NXN: variants seen among roughly 807,000 people sequenced by gnomAD.
NXN encodes nucleoredoxin, also known as nucleoredoxin 1.
Under a neutral mutation model 48.6 loss-of-function variants are expected in NXN, and 16 were observed. The ratio of observed to expected loss-of-function variants is 0.33; its 90% CI spans 0.22 to 0.50. The LOEUF is 0.50. NXN is among the 20% of genes least tolerant of loss of function. The pLI is 0.98. For synonymous variants in NXN, 281 were observed against 269.6 expected, an observed-to-expected ratio of 1.04 and a Z score of -0.41; for missense variants, 492 against 605.5, an observed-to-expected ratio of 0.81 and a Z score of 1.97.
rs1045449333 is a variant in NXN at position 976,570 on chromosome 17, A to G, written c.360+2749T>C. ...TTATCATTGGCGAAATGACACGGATAGAGTCCATCCACAAGACGTGTTCAC... is the reference window on the plus strand; with the variant it reads ...TTATCATTGGCGAAATGACACGGATGGAGTCCATCCACAAGACGTGTTCAC... On this transcript the variant is annotated intron_variant, in intron 1 of 7. Transcript: ENST00000336868. Among the ~76,000 whole-genome samples the G allele has an allele frequency of 5.9e-5, 9 of 152,322 alleles. No homozygotes were observed. In the South Asian group the frequency reaches 1.9e-3, roughly 32 times the overall value.
At chr17:903,354 C>T (rs1429417066) in intron 1 of NXN, among the ~76,000 whole-genome samples, 4 of 149,164 alleles carry the variant, frequency 2.7e-5, no homozygotes, top group Admixed American at 2.0e-4. Flanking sequence ...TACAGGCGCC[C>T]GCCACCATGC....
At position 841,692 on chromosome 17, in the gene NXN, C is replaced by T. The variant is rs980877381; in HGVS notation, c.361-15614G>A. ...GAGCAGGTCCACCCTGACCATGGCA[C>T]ATCTCACGCCGGTGAGCAGGTCCAC... On this transcript the variant is annotated intron_variant, in intron 1 of 7. Coordinates refer to ENST00000336868, the MANE Select transcript of NXN (RefSeq NM_022463.5). 1.3e-3 allele frequency among the ~76,000 whole-genome samples: 183 copies of T among 139,950 alleles called. 7 individuals carry two copies. The highest frequency in any genetic ancestry group is 3.5e-3 in the Middle Eastern group (1 of 288). 91.8% of individuals were successfully genotyped at this position (139,950 alleles called of 152,430 possible). A position where few individuals can be genotyped will look rare whatever the true frequency, so the allele number is the denominator to read the frequency against.
intron 1 of NXN, among the ~76,000 whole-genome samples, chr17:969,684 G>T (rs934195241): frequency 6.6e-6 from 1 of 152,090 alleles, no homozygotes; most frequent in African/African-American, 2.4e-5. Flanking sequence ...ACCTGATCAC[G>T]TTTAACGGGA....
At chr17:828,063 G>A (rs549262416) in intron 1 of NXN, among the ~76,000 whole-genome samples, 1 of 152,092 alleles carries the variant, frequency 6.6e-6, no homozygotes, top group Non-Finnish European at 1.5e-5. Context: ...AAACCAGCCC[G>A]GGACCTCACA....
chr17:832,960 A>G (rs868112874), intron 1 of NXN, among the ~76,000 whole-genome samples: 15 of 152,128 alleles, frequency 9.9e-5, no homozygotes, highest in African/African-American at 2.9e-4. Context: ...GCGCGATCTC[A>G]GTTCACTGCA....
At chr17:815,587 ATGATGAGGG>A (rs1912426048) in intron 5 of NXN, among the ~76,000 whole-genome samples, 1 of 146,890 alleles carries the variant, frequency 6.8e-6, no homozygotes, top group Non-Finnish European at 1.5e-5. Flanking sequence ...TTCCATCCGT[ATGATGAGGG>A]CGAGTGTCCA....
intron 5 of NXN, among the ~76,000 whole-genome samples, chr17:813,351 C>T (rs1003461129): frequency 6.6e-6 from 1 of 152,212 alleles, no homozygotes; most frequent in African/African-American, 2.4e-5. Flanking sequence ...ACCAGTGAAA[C>T]CAGGGACTGA....
At chr17:963,240 C>CACACACACACA (rs1567522095) in intron 1 of NXN, among the ~76,000 whole-genome samples, 1 of 147,934 alleles carries the variant, frequency 6.8e-6, no homozygotes, top group East Asian at 2.0e-4. Context: ...CACACACACA[C>CACACACACACA]CCCTTTCATT....
chr17:919,541 C>T lies in NXN; in HGVS notation c.360+59778G>A, dbSNP rs8073591. On this transcript the variant is annotated intron_variant, in intron 1 of 7. Transcript: ENST00000336868. This position sits in a 1 kb window ranked among gnomAD's most constrained non-coding sequence, Gnocchi z 5.1. ...AATTAAAGTGGCAGTTTTGGGAGGA[C>T]GCAGTCAAACGGCTTTCTACAGCAC... Among the ~76,000 whole-genome samples the T allele has an allele frequency of 0.061, 9,279 of 152,030 alleles. 331 individuals are homozygous for T. The highest frequency in any genetic ancestry group is 0.12 in the East Asian group (604 of 5,172).
At chr17:900,913 C>CTTTTTTTTTTTTTT (rs11367844) in intron 1 of NXN, among the ~76,000 whole-genome samples, 1 of 75,880 alleles carries the variant, frequency 1.3e-5, no homozygotes, top group African/African-American at 5.3e-5. Flanking sequence ...GATCTGCATT[C>CTTTTTTTTTTTTTT]TTTTTTTTTT....
At position 803,632 on chromosome 17, in the gene NXN, A is replaced by G. The variant is rs564246097; in HGVS notation, c.1125+50T>C. The G allele has an allele frequency of 1.4e-4, 229 of 1,612,592 alleles. 3 individuals carry two copies. The South Asian group carries it at 2.3e-3, about 16-fold the overall frequency. On this transcript the variant is annotated intron_variant, in intron 7 of 7. Transcript: ENST00000336868. The stretch of plus-strand genomic sequence containing the variant: ...CTGGGGCCAGGATCAGTCCTGTGCC[A>G]GAAGTCCCAGCTGAGCCAGCCCTGG...
chr17:896,693 AG>A (rs1567853544), intron 1 of NXN, among the ~76,000 whole-genome samples: 3 of 151,978 alleles, frequency 2.0e-5, no homozygotes, highest in Admixed American at 6.6e-5. Context: ...CCCCGGCCCA[AG>A]GAAGTTTTTG....
intron 1 of NXN, among the ~76,000 whole-genome samples, chr17:957,264 G>A (rs2150624561): frequency 6.6e-6 from 1 of 151,724 alleles, no homozygotes; most frequent in Middle Eastern, 3.4e-3. Flanking sequence ...AACACCTAGA[G>A]GAACTTCCTC....
At chr17:912,879 G>A (rs778391258) in intron 1 of NXN, among the ~76,000 whole-genome samples, 5 of 151,966 alleles carry the variant, frequency 3.3e-5, no homozygotes, top group Middle Eastern at 3.2e-3. Flanking sequence ...GCTTGAACCC[G>A]GGAGATGGAG....
At chr17:963,463 G>A (rs996621996) in intron 1 of NXN, among the ~76,000 whole-genome samples, 3 of 152,076 alleles carry the variant, frequency 2.0e-5, no homozygotes, top group Non-Finnish European at 4.4e-5. Flanking sequence ...TCAGTCCGGT[G>A]TGGTGGGACA....
chr17:810,423 G>A (rs1193575744), intron 5 of NXN, among the ~76,000 whole-genome samples: 1 of 152,160 alleles, frequency 6.6e-6, no homozygotes, highest in Non-Finnish European at 1.5e-5. Context: ...GTCTAGTTAC[G>A]TTTTCTTTAA....
rs770241381 is a variant in NXN, at chr17:826,057, G to C, written c.382C>G (p.Arg128Gly). 1.9e-6 allele frequency: 3 copies of C among 1,613,508 alleles called. No individual in the cohort carries two copies. ...ATTAGTGATGGAATGTTGGAAATTC[G>C]GTATTTGTTCCAAAGTTTGAGCTGT... ...HRKLKLWNKY[R>G]ISNIPSLIFL... Residue 128 changes from arginine to glycine, a missense_variant, in exon 2 of 8, where the codon CGA becomes GGA. Arg to Gly is a moderately radical substitution (Grantham distance 125). This residue lies in a region of NXN where 186 missense variants were observed against 199.1 expected (regional missense o/e 0.93). Transcript: ENST00000336868.
intron 1 of NXN, among the ~76,000 whole-genome samples, chr17:937,164 T>C (rs1173500350): frequency 2.0e-5 from 3 of 151,942 alleles, no homozygotes; most frequent in Non-Finnish European, 2.9e-5. Context: ...TTGTATTTTT[T>C]GTAGAGATGG....
chr17:879,579 G>A lies in NXN; in HGVS notation c.361-53501C>T, dbSNP rs367784009. Among the ~76,000 whole-genome samples, 733 of 151,992 alleles carry A rather than the reference G, an allele frequency of 4.8e-3. 3 individuals are homozygous for A. The highest frequency in any genetic ancestry group is 8.3e-3 in the Non-Finnish European group (564 of 67,968). ...TGGGACTACAGGCATGAGCCACCGC[G>A]CCCGGCCACGAGTCTGGTTTTAAAC... On this transcript the variant is annotated intron_variant, in intron 1 of 7. Transcript: ENST00000336868.
Sources: gnomAD v4.1 joint callset for allele counts (sites outside exome capture counted in the v4.1 genomes callset) on GRCh38, gnomAD v4.1.1 for gene constraint, gnomAD v4.1.1 regional missense constraint, Gnocchi (gnomAD v3.1) non-coding constraint, MANE v1.5 for transcripts, NCBI Gene and HGNC (gene_info 2026-07-23, HGNC 2026-07-21) for gene names.